CD74: variants seen among roughly 807,000 people sequenced by gnomAD.
CD74 encodes the protein HLA class II histocompatibility antigen gamma chain.
In CD74, 20 loss-of-function variants were observed where a neutral mutation model predicts 37.1. That is an observed-to-expected ratio of 0.54 (90% CI 0.38 to 0.78). CD74 has a LOEUF of 0.78. Ranked by LOEUF, CD74 falls within the 30% of genes least tolerant of loss-of-function variation. The pLI is 0.00. For missense variants in CD74, 338 were observed against 389.5 expected, an observed-to-expected ratio of 0.87 and a Z score of 1.11; for synonymous variants, 150 against 152.0, an observed-to-expected ratio of 0.99 and a Z score of 0.10.
At position 150,402,716 on chromosome 5, in the gene CD74, G is replaced by A. The variant is rs2151167883; in HGVS notation, c.818-91C>T. The A allele has an allele frequency of 9.0e-7, 1 of 1,109,064 alleles. No homozygotes were observed. The highest frequency in any genetic ancestry group is 1.5e-5 in the South Asian group (1 of 67,762). 68.7% of individuals were successfully genotyped at this position (1,109,064 alleles called of 1,614,324 possible). On this transcript the variant is annotated intron_variant, in intron 7 of 8. Coordinates refer to ENST00000009530, the MANE Select transcript of CD74 (RefSeq NM_001025159.3). The surrounding 1 kb of genome is among the most constrained non-coding windows in gnomAD (Gnocchi z 4.2). Reference sequence around the variant, plus strand: ...GGCAGTGCTTCCCACCTAGCCACAGGCTTAGTGCCTGGGAAAGCAGGTACC... The same window carrying A: ...GGCAGTGCTTCCCACCTAGCCACAGACTTAGTGCCTGGGAAAGCAGGTACC...
In CD74 at chr5:150,407,662, T is replaced by TG. The variant is rs543603063; in HGVS notation, c.126-339dup. Reference sequence around the variant, plus strand: ...CTGCCTGTGCGATGAGGGGTTGAGGTGGGGGGGTCTTCCCAGGCTCCCTTT... The same window carrying TG: ...CTGCCTGTGCGATGAGGGGTTGAGGTGGGGGGGGTCTTCCCAGGCTCCCTTT... On this transcript the variant is annotated intron_variant, in intron 1 of 8. Coordinates refer to ENST00000009530, the MANE Select transcript of CD74 (RefSeq NM_001025159.3). The surrounding 1 kb of genome is among the most constrained non-coding windows in gnomAD (Gnocchi z 4.4). Among the ~76,000 whole-genome samples, 112 of 152,126 alleles carry TG rather than the reference T, an allele frequency of 7.4e-4. No individual in the cohort carries two copies. Among genetic ancestry groups the TG allele is most frequent in the Middle Eastern group, 3.4e-3 (1 of 294 alleles).
chr5:150,408,021 G>A (rs1255132984), intron 1 of CD74, among the ~76,000 whole-genome samples: 1 of 151,902 alleles, frequency 6.6e-6, no homozygotes, highest in East Asian at 1.9e-4. Context: ...GGGATTACAA[G>A]CGTGAGTCAC....
rs2151165622 is a variant in CD74, at chr5:150,402,242, A to G, written c.889T>C (p.Ter297ArgextTer103). Residue 297 changes from the stop codon to arginine, a stop_lost, in exon 9 of 9, where the codon TGA becomes CGA. Transcript: ENST00000009530. The surrounding 1 kb of genome is among the most constrained non-coding windows in gnomAD (Gnocchi z 4.2). Reference sequence around the variant, plus strand: ...GTTGAAGACCGCCTCTGCTGCTCTCACATGGGGACTGGAGAGAGAAGCAGC... The same window carrying G: ...GTTGAAGACCGCCTCTGCTGCTCTCGCATGGGGACTGGAGAGAGAAGCAGC... ...TKQDLGPVPM[*>R] The G allele has an allele frequency of 6.2e-7, 1 of 1,600,992 alleles. No homozygotes were observed. Among genetic ancestry groups the G allele is most frequent in the Non-Finnish European group, 8.5e-7 (1 of 1,173,162 alleles).
intron 6 of CD74, 141 bp downstream of exon 6, chr5:150,404,528 AGAGAGAGAAGT>A (rs1769831642): frequency 3.3e-6 from 2 of 599,582 alleles, no homozygotes; most frequent in South Asian, 1.9e-5. Flanking sequence ...CAGACAGGAG[AGAGAGAGAAGT>A]GAGAAAGAAG....
rs573043418 is a variant in CD74 at position 150,406,716 on chromosome 5, C to T, written c.378+165G>A. On this transcript the variant is annotated intron_variant, in intron 3 of 8. Transcript: ENST00000009530. The stretch of plus-strand genomic sequence containing the variant: ...CACCAAGAGACTCTTCACCTGTGCC[C>T]TCCACACCTGGGGAGCCCGATTCTT... The T allele has an allele frequency of 4.9e-5, 29 of 593,058 alleles. No individual in the cohort carries two copies. In the East Asian group the frequency reaches 8.1e-4, roughly 17 times the overall value. 36.7% of individuals were successfully genotyped at this position (593,058 alleles called of 1,614,324 possible).
At chr5:150,408,860 G>T (rs1406562675) in intron 1 of CD74, among the ~76,000 whole-genome samples, 1 of 152,154 alleles carries the variant, frequency 6.6e-6, no homozygotes, top group Non-Finnish European at 1.5e-5. Context: ...CTGTAAGACG[G>T]CTTGATGGAA....
chr5:150,404,315 C>A (rs898586892), intron 6 of CD74, among the ~76,000 whole-genome samples: 1 of 152,188 alleles, frequency 6.6e-6, no homozygotes, highest in African/African-American at 2.4e-5. Flanking sequence ...CACTGGATTG[C>A]GGGCAGCACT....
intron 1 of CD74, 52 bp downstream of exon 1, chr5:150,412,573 C>CG (rs1770408179): frequency 1.5e-6 from 2 of 1,368,760 alleles, no homozygotes; most frequent in Non-Finnish European, 2.1e-6. Flanking sequence ...AGCACATGCG[C>CG]ACGGCTCTGC....
At position 150,402,721 on chromosome 5, in the gene CD74, GT is replaced by G; in HGVS notation, c.818-97del. 1 of 1,066,038 alleles carries G rather than the reference GT, an allele frequency of 9.4e-7. No homozygotes were observed. 66.0% of individuals were successfully genotyped at this position (1,066,038 alleles called of 1,614,324 possible). A position where few individuals can be genotyped will look rare whatever the true frequency, so the allele number is the denominator to read the frequency against. ...TGCTTCCCACCTAGCCACAGGCTTA[GT>G]GCCTGGGAAAGCAGGTACCCAGGGA... is the stretch of plus-strand genomic sequence containing the variant. On this transcript the variant is annotated intron_variant, in intron 7 of 8. Coordinates refer to ENST00000009530, the MANE Select transcript of CD74 (RefSeq NM_001025159.3). The surrounding 1 kb of genome is among the most constrained non-coding windows in gnomAD (Gnocchi z 4.2).
rs1046485631 is a variant in CD74 at position 150,403,912 on chromosome 5, G to A, written c.626-600C>T. 7.9e-5 allele frequency among the ~76,000 whole-genome samples: 12 copies of A among 152,200 alleles called. No homozygotes were observed. The highest frequency in any genetic ancestry group is 6.5e-5 in the Admixed American group (1 of 15,272). On this transcript the variant is annotated intron_variant, in intron 6 of 8. Coordinates refer to ENST00000009530, the MANE Select transcript of CD74 (RefSeq NM_001025159.3). The surrounding 1 kb of genome is among the most constrained non-coding windows in gnomAD (Gnocchi z 4.5). ...CATTACAGTTTGGAATTGCACTTGC[G>A]ATTCTGATTCTAGAGAAAAGCAATG...
At chr5:150,405,986 G>A in intron 4 of CD74, 2 of 318,548 alleles carry the variant, frequency 6.3e-6, no homozygotes, top group South Asian at 7.6e-5. Context: ...GGCCAGGCTG[G>A]TCTCGAACTC....
chr5:150,407,294 G>T lies in CD74; in HGVS notation c.156C>A (p.Gly52=). The T allele has an allele frequency of 6.2e-7, 1 of 1,612,240 alleles. No homozygotes were observed. Among genetic ancestry groups the T allele is most frequent in the Non-Finnish European group, 8.5e-7 (1 of 1,179,308 alleles). Residue 52 remains glycine, a synonymous_variant, in exon 2 of 9, where the codon GGC becomes GGA. Coordinates refer to ENST00000009530, the MANE Select transcript of CD74 (RefSeq NM_001025159.3). This position sits in a 1 kb window ranked among gnomAD's most constrained non-coding sequence, Gnocchi z 4.4. ...SKCSRGALYT[G]FSILVTLLLA... ...GGAGCAGAGTCACCAGGATGGAAAA[G>T]CCTGTGTACAGGGCTCCGCGGCTGC...
At position 150,402,995 on chromosome 5, in the gene CD74, C is replaced by T. The variant is rs56217585; in HGVS notation, c.817+126G>A. The T allele has an allele frequency of 3.6e-4, 261 of 730,622 alleles. No individual in the cohort carries two copies. Among genetic ancestry groups the T allele is most frequent in the Non-Finnish European group, 4.9e-4 (214 of 440,100 alleles). The allele number at this position is 730,622 out of a possible 1,614,324, so 45.3% of individuals were successfully genotyped here. On this transcript the variant is annotated intron_variant, in intron 7 of 8. Transcript: ENST00000009530. This position sits in a 1 kb window ranked among gnomAD's most constrained non-coding sequence, Gnocchi z 4.2. ...GGATAAAGGGCTGGACGCATGACTA[C>T]GTCACTGCCCCCAGGAGCTGCCATC...
chr5:150,410,797 A>G (rs939759365), intron 1 of CD74, among the ~76,000 whole-genome samples: 3 of 152,238 alleles, frequency 2.0e-5, no homozygotes, highest in Admixed American at 1.3e-4. Flanking sequence ...CCAGTCTGGA[A>G]TGGCCTAAGC....
intron 1 of CD74, among the ~76,000 whole-genome samples, chr5:150,410,835 C>T (rs1434248892): frequency 6.6e-6 from 1 of 152,150 alleles, no homozygotes; most frequent in African/African-American, 2.4e-5. Flanking sequence ...GAAGCAGTAA[C>T]TGAATAAAGG....
In CD74 at chr5:150,402,215, A is replaced by G. The variant is rs1394582400; in HGVS notation, c.*25T>C. On this transcript the variant is annotated 3_prime_UTR_variant, in exon 9 of 9. Coordinates refer to ENST00000009530, the MANE Select transcript of CD74 (RefSeq NM_001025159.3). This position sits in a 1 kb window ranked among gnomAD's most constrained non-coding sequence, Gnocchi z 4.2. ...GCTGTAGCTGTGTGGGGCTGGCAGG[A>G]TGTTGAAGACCGCCTCTGCTGCTCT... 31 of 1,598,898 alleles carry G rather than the reference A, an allele frequency of 1.9e-5. No homozygotes were observed. The highest frequency in any genetic ancestry group is 2.6e-5 in the Non-Finnish European group (31 of 1,172,942).
In CD74 at chr5:150,407,360, C is replaced by A. The variant is rs376659713; in HGVS notation, c.126-36G>T. 57 of 1,563,954 alleles carry A rather than the reference C, an allele frequency of 3.6e-5. 1 individual carries two copies. Among genetic ancestry groups the A allele is most frequent in the Non-Finnish European group, 4.8e-5 (55 of 1,151,906 alleles). Reference sequence around the variant, plus strand: ...TGGGGAGGATAGGTCAGAGGAGGATCCACAGTGGTGGCTGCCCCAAGGGCT... The same window carrying A: ...TGGGGAGGATAGGTCAGAGGAGGATACACAGTGGTGGCTGCCCCAAGGGCT... On this transcript the variant is annotated intron_variant, in intron 1 of 8. Transcript: ENST00000009530. The surrounding 1 kb of genome is among the most constrained non-coding windows in gnomAD (Gnocchi z 4.4).
chr5:150,406,865 C>T lies in CD74; in HGVS notation c.378+16G>A, dbSNP rs1769993871. 1 of 1,473,562 alleles carries T rather than the reference C, an allele frequency of 6.8e-7. No homozygotes were observed. The highest frequency in any genetic ancestry group is 2.4e-5 in the East Asian group (1 of 42,530). 91.3% of individuals were successfully genotyped at this position (1,473,562 alleles called of 1,614,324 possible). On this transcript the variant is annotated intron_variant, in intron 3 of 8. Transcript: ENST00000009530. ...GGATAACCTTGCCCCTCCCACCACCCTGGGGCTGTCCTTACCCCCTGGGGC... is the reference window on the plus strand; with the variant it reads ...GGATAACCTTGCCCCTCCCACCACCTTGGGGCTGTCCTTACCCCCTGGGGC...
chr5:150,405,415 C>T (rs1769900033), intron 4 of CD74: 1 of 1,254,110 alleles, frequency 8.0e-7, no homozygotes, highest in South Asian at 3.1e-5. Flanking sequence ...GATTCCAGGC[C>T]AGCTCTACCA....
Sources: allele counts gnomAD v4.1 joint callset (sites outside exome capture counted in the v4.1 genomes callset), GRCh38; gene constraint gnomAD v4.1.1; non-coding constraint Gnocchi (gnomAD v3.1); transcripts MANE v1.5; gene names NCBI Gene and HGNC (gene_info 2026-07-23, HGNC 2026-07-21).